The following KCNH1 variants were observed in gnomAD, a reference collection of about 807,000 sequenced individuals.
The protein encoded by KCNH1 is voltage-gated delayed rectifier potassium channel KCNH1.
Under a neutral mutation model 69.2 loss-of-function variants are expected in KCNH1, and 27 were observed. The observed-to-expected ratio is 0.39, with a 90% CI of 0.29 to 0.54. The LOEUF (loss-of-function observed/expected upper bound fraction) is 0.54. Ranked by LOEUF, KCNH1 falls within the 20% of genes least tolerant of loss-of-function variation. The pLI is 0.68. For synonymous variants in KCNH1, 456 were observed against 487.7 expected (o/e 0.93, Z 0.86); for missense variants, 798 against 1,261.6 (o/e 0.63, Z 5.57).
intron 10 of KCNH1, among the ~76,000 whole-genome samples, chr1:210,741,274 C>T (rs760499613): frequency 6.6e-6 from 1 of 152,148 alleles, no homozygotes; most frequent in South Asian, 2.1e-4. Flanking sequence ...GATTTACCTA[C>T]AACAGGATAA....
chr1:211,059,751 A>AAGAGAG (rs200217736), intron 5 of KCNH1, among the ~76,000 whole-genome samples: 7 of 149,120 alleles, frequency 4.7e-5, no homozygotes, highest in African/African-American at 1.5e-4. Context: ...TCAAGAAAAA[A>AAGAGAG]AGAGTGAGAG....
At chr1:210,789,459 T>C (rs1045995781) in intron 9 of KCNH1, among the ~76,000 whole-genome samples, 10 of 152,196 alleles carry the variant, frequency 6.6e-5, no homozygotes, top group African/African-American at 2.2e-4. Flanking sequence ...CAAAAGTAAA[T>C]GCCACTTTTT....
At chr1:211,043,703 C>T (rs1690043823) in intron 5 of KCNH1, among the ~76,000 whole-genome samples, 1 of 152,152 alleles carries the variant, frequency 6.6e-6, no homozygotes, top group Admixed American at 6.6e-5. Flanking sequence ...AAAATACTGG[C>T]TAACTAAATC....
intron 10 of KCNH1, among the ~76,000 whole-genome samples, chr1:210,734,285 C>T (rs1039282333): frequency 3.3e-5 from 5 of 152,130 alleles, no homozygotes; most frequent in African/African-American, 1.2e-4. Context: ...CTCAACAAGT[C>T]CCACCTATTC....
chr1:210,829,755 A>G (rs992590944), intron 7 of KCNH1, among the ~76,000 whole-genome samples: 26 of 152,142 alleles, frequency 1.7e-4, no homozygotes, highest in African/African-American at 6.3e-4. Flanking sequence ...GAGGTGTAAC[A>G]TTATATTTCA....
intron 10 of KCNH1, among the ~76,000 whole-genome samples, chr1:210,761,671 G>C (rs180787861): frequency 2.0e-5 from 3 of 152,178 alleles, no homozygotes; most frequent in South Asian, 2.1e-4. Context: ...AATGATAAAG[G>C]TGTTCAAATC....
At chr1:211,006,402 C>T (rs1571572655) in intron 6 of KCNH1, among the ~76,000 whole-genome samples, 2 of 152,124 alleles carry the variant, frequency 1.3e-5, no homozygotes, top group East Asian at 3.8e-4. Flanking sequence ...CAAAAGCATT[C>T]CTGAATCTCT....
At chr1:211,008,758 A>G (rs1489372211) in intron 6 of KCNH1, among the ~76,000 whole-genome samples, 3 of 152,240 alleles carry the variant, frequency 2.0e-5, no homozygotes, top group Admixed American at 6.5e-5. Flanking sequence ...ATACATTTGT[A>G]AAAATTCACT....
intron 7 of KCNH1, among the ~76,000 whole-genome samples, chr1:210,904,373 C>T (rs1326703513): frequency 6.6e-6 from 1 of 152,118 alleles, no homozygotes; most frequent in African/African-American, 2.4e-5. Flanking sequence ...TTCCCCACCC[C>T]CACCACTCCA....
chr1:210,745,345 C>T (rs1334551896), intron 10 of KCNH1, among the ~76,000 whole-genome samples: 3 of 152,158 alleles, frequency 2.0e-5, no homozygotes, highest in African/African-American at 7.2e-5. Context: ...TGCCTTCCAT[C>T]CCCTGGATTT....
intron 10 of KCNH1, among the ~76,000 whole-genome samples, chr1:210,707,369 A>G (rs1450818843): frequency 1.3e-5 from 2 of 152,192 alleles, no homozygotes; most frequent in African/African-American, 2.4e-5. Context: ...GTAATAAGGC[A>G]GGCGGGCATT....
At chr1:210,861,108 T>C (rs1685969704) in intron 7 of KCNH1, 1 of 881,550 alleles carries the variant, frequency 1.1e-6, no homozygotes, top group Non-Finnish European at 1.9e-6. Flanking sequence ...TGGGCAGCAG[T>C]GGCAAAGGAA....
intron 7 of KCNH1, among the ~76,000 whole-genome samples, chr1:210,897,944 C>T (rs1686906289): frequency 6.6e-6 from 1 of 152,170 alleles, no homozygotes; most frequent in African/African-American, 2.4e-5. Flanking sequence ...GGCAAGACCC[C>T]TGGAGGGGTA....
intron 7 of KCNH1, among the ~76,000 whole-genome samples, chr1:210,827,049 G>A (rs1351632485): frequency 5.9e-5 from 9 of 152,084 alleles, no homozygotes; most frequent in Non-Finnish European, 8.8e-5. Flanking sequence ...TAGAAATATC[G>A]GCTTGTGGCC....
At chr1:210,946,870 C>A (rs1687967925) in intron 6 of KCNH1, among the ~76,000 whole-genome samples, 1 of 152,186 alleles carries the variant, frequency 6.6e-6, no homozygotes, top group Non-Finnish European at 1.5e-5. Context: ...TTTCACCTAG[C>A]CAAGTCCCTA....
At chr1:210,823,368 A>T (rs1360590061) in intron 7 of KCNH1, among the ~76,000 whole-genome samples, 2 of 152,214 alleles carry the variant, frequency 1.3e-5, no homozygotes, top group Non-Finnish European at 2.9e-5. Flanking sequence ...AAGACCCAAG[A>T]GCCTTCCTGA....
chr1:210,688,895 C>T (rs1367830126), intron 10 of KCNH1, among the ~76,000 whole-genome samples: 1 of 152,224 alleles, frequency 6.6e-6, no homozygotes, highest in African/African-American at 2.4e-5. Context: ...TACTCTGTTC[C>T]TGGCATGGGT....
intron 6 of KCNH1, among the ~76,000 whole-genome samples, chr1:210,988,150 G>A (rs1405050905): frequency 6.6e-6 from 1 of 152,166 alleles, no homozygotes; most frequent in Non-Finnish European, 1.5e-5. Context: ...TATTAGGGTG[G>A]GAGTGATCCA....
At chr1:210,806,028 T>C (rs1292922586) in intron 7 of KCNH1, among the ~76,000 whole-genome samples, 1 of 152,232 alleles carries the variant, frequency 6.6e-6, no homozygotes, top group Non-Finnish European at 1.5e-5. Flanking sequence ...ATTACAAACA[T>C]TCATGTGCAA....
Sources: allele counts gnomAD v4.1 joint callset (sites outside exome capture counted in the v4.1 genomes callset), GRCh38; gene constraint gnomAD v4.1.1; transcripts MANE v1.5; gene names NCBI Gene and HGNC (gene_info 2026-07-23, HGNC 2026-07-21).